Variants in RNF13 observed in about 807,000 individuals in gnomAD.
RNF13 encodes the protein E3 ubiquitin-protein ligase RNF13.
RNF13 carries 19 observed loss-of-function variants against 37.7 expected under a neutral mutation model. The observed-to-expected ratio is 0.50, with a 90% CI of 0.35 to 0.74. RNF13 has a LOEUF of 0.74. Among genes scored for constraint, RNF13 ranks in the 30% least tolerant of loss-of-function variants. The pLI is 0.01. For synonymous variants in RNF13, 144 were observed against 157.8 expected, an observed-to-expected ratio of 0.91 and a Z score of 0.65; for missense variants, 375 against 453.0, an observed-to-expected ratio of 0.83 and a Z score of 1.56.
intron 1 of RNF13, among the ~76,000 whole-genome samples, chr3:149,815,654 T>C (rs972857919): frequency 6.6e-6 from 1 of 152,226 alleles, no homozygotes; most frequent in Non-Finnish European, 1.5e-5. Context: ...TCTATAGATA[T>C]TTATTGAGCA....
chr3:149,838,217 G>A (rs1456828962), intron 1 of RNF13, among the ~76,000 whole-genome samples: 2 of 152,206 alleles, frequency 1.3e-5, no homozygotes, highest in African/African-American at 4.8e-5. Context: ...TCATGGGCTG[G>A]CGTTGAGTGT....
chr3:149,958,637 T>G (rs999899603), intron 8 of RNF13, among the ~76,000 whole-genome samples: 1 of 152,244 alleles, frequency 6.6e-6, no homozygotes, highest in Non-Finnish European at 1.5e-5. Flanking sequence ...GACTCAAAGG[T>G]TGATTTGTAT....
chr3:149,901,267 T>G (rs369659503), intron 5 of RNF13, among the ~76,000 whole-genome samples: 1 of 152,220 alleles, frequency 6.6e-6, no homozygotes, highest in Non-Finnish European at 1.5e-5. Context: ...AAAGTTATTT[T>G]GAAAACTATA....
chr3:149,953,854 G>A (rs1452887918), intron 8 of RNF13, among the ~76,000 whole-genome samples: 1 of 152,164 alleles, frequency 6.6e-6, no homozygotes, highest in Non-Finnish European at 1.5e-5. Flanking sequence ...TATGAAAAAT[G>A]CTTACGATAG....
In RNF13 at chr3:149,937,945, T is replaced by C. The variant is rs113359928; in HGVS notation, c.700+16718T>C. On this transcript the variant is annotated intron_variant, in intron 8 of 9. Transcript: ENST00000392894. ...TAGTGTGTATATCAATTAAATCCAG[T>C]TGACTGGTGCTGCTGTTGAGTTCAA... Among the ~76,000 whole-genome samples, 118 of 152,198 alleles carry C rather than the reference T, an allele frequency of 7.8e-4. 1 individual carries two copies. The highest frequency in any genetic ancestry group is 2.7e-3 in the African/African-American group (114 of 41,566).
chr3:149,869,198 T>A (rs1245167543), intron 3 of RNF13, among the ~76,000 whole-genome samples: 2 of 151,902 alleles, frequency 1.3e-5, no homozygotes, highest in African/African-American at 4.8e-5. Context: ...TTAAACAAAA[T>A]TATTTCAATT....
chr3:149,893,616 A>G (rs961721067), intron 4 of RNF13, among the ~76,000 whole-genome samples: 1 of 152,214 alleles, frequency 6.6e-6, no homozygotes, highest in African/African-American at 2.4e-5. Context: ...TAATAAGTTA[A>G]TGTATGTAAC....
intron 4 of RNF13, among the ~76,000 whole-genome samples, chr3:149,881,836 A>G (rs1305635066): frequency 6.6e-6 from 1 of 152,212 alleles, no homozygotes; most frequent in East Asian, 1.9e-4. Context: ...CAAAAGGTCA[A>G]CTTTCCCAGA....
At chr3:149,814,754 G>A (rs1275907126) in intron 1 of RNF13, among the ~76,000 whole-genome samples, 1 of 152,174 alleles carries the variant, frequency 6.6e-6, no homozygotes, top group Non-Finnish European at 1.5e-5. Context: ...GAGTCAAGCT[G>A]GGTTCAGCTC....
At chr3:149,912,787 G>A (rs896462209) in intron 7 of RNF13, among the ~76,000 whole-genome samples, 3 of 151,904 alleles carry the variant, frequency 2.0e-5, no homozygotes, top group Non-Finnish European at 2.9e-5. Flanking sequence ...ATCAAAATAC[G>A]GTTACAAGAC....
In RNF13 at chr3:149,846,063, A is replaced by C. The variant is rs1364370675; in HGVS notation, c.37A>C (p.Thr13Pro). The change falls in exon 2 of 10, where the codon ACA becomes CCA. Residue 13 changes from threonine (T) to proline (P), a missense_variant. Thr to Pro is a conservative substitution (Grantham distance 38). Coordinates refer to ENST00000392894, the MANE Select transcript of RNF13 (RefSeq NM_183381.3). ...LSIGMLMLSA[T>P]QVYTILTVQL... is the part of the protein sequence containing the mutation. The stretch of plus-strand genomic sequence containing the variant: ...CATAGGGATGCTCATGCTGTCAGCC[A>C]CACAAGTCTACACCATCTTGACTGT... The C allele has an allele frequency of 6.2e-7, 1 of 1,612,560 alleles. No individual in the cohort carries two copies. Among genetic ancestry groups the C allele is most frequent in the Non-Finnish European group, 8.5e-7 (1 of 1,179,846 alleles).
At chr3:149,837,984 A>G (rs1038528061) in intron 1 of RNF13, among the ~76,000 whole-genome samples, 2 of 152,172 alleles carry the variant, frequency 1.3e-5, no homozygotes, top group South Asian at 2.1e-4. Flanking sequence ...CATTGTGTAA[A>G]TACAGCTGTT....
In RNF13 at chr3:149,895,592, G is replaced by C. The variant is rs1278492178; in HGVS notation, c.409+32G>C. 2.3e-6 allele frequency: 3 copies of C among 1,325,612 alleles called. No homozygotes were observed. In the African/African-American group the frequency reaches 4.5e-5, roughly 20 times the overall value. 82.1% of individuals were successfully genotyped at this position (1,325,612 alleles called of 1,614,324 possible). A position where few individuals can be genotyped will look rare whatever the true frequency, so the allele number is the denominator to read the frequency against. The stretch of plus-strand genomic sequence containing the variant: ...ACAGGTATCACTTTTCTTCTCTCCT[G>C]TTTGACAGATCATTTGTAACTAAAA... On this transcript the variant is annotated intron_variant, in intron 5 of 9. Coordinates refer to ENST00000392894, the MANE Select transcript of RNF13 (RefSeq NM_183381.3).
chr3:149,920,086 G>A (rs1289413239), intron 7 of RNF13, among the ~76,000 whole-genome samples: 4 of 152,020 alleles, frequency 2.6e-5, no homozygotes, highest in South Asian at 4.2e-4. Context: ...TTTTCTGTTG[G>A]GTAACTTGTT....
intron 4 of RNF13, among the ~76,000 whole-genome samples, chr3:149,884,398 G>A (rs1242183690): frequency 1.3e-5 from 2 of 151,854 alleles, no homozygotes; most frequent in Non-Finnish European, 2.9e-5. Flanking sequence ...ATTCAAGGAA[G>A]TCTCCCCTCT....
chr3:149,961,268 C>T lies in RNF13; in HGVS notation c.*164C>T, dbSNP rs770129765. Reference sequence around the variant, plus strand: ...GGACTTTTGATCTGGTATTTATCTGCCAAGAATATACTTCATTCACTAATA... The same window carrying T: ...GGACTTTTGATCTGGTATTTATCTGTCAAGAATATACTTCATTCACTAATA... On this transcript the variant is annotated 3_prime_UTR_variant, in exon 10 of 10. Transcript: ENST00000392894. The T allele has an allele frequency of 1.5e-6, 1 of 682,362 alleles. No homozygotes were observed. Among genetic ancestry groups the T allele is most frequent in the Non-Finnish European group, 2.5e-6 (1 of 392,932 alleles). The allele number at this position is 682,362 out of a possible 1,614,324, so 42.3% of individuals were successfully genotyped here.
rs1719688596 is a variant in RNF13, at chr3:149,818,470, G to A, written c.-17+5117G>A. Among the ~76,000 whole-genome samples, 6 of 152,162 alleles carry A rather than the reference G, an allele frequency of 3.9e-5. No individual in the cohort carries two copies. The South Asian group carries it at 1.2e-3, about 32-fold the overall frequency. On this transcript the variant is annotated intron_variant, in intron 1 of 9. Transcript: ENST00000392894. ...TTCCTCCCAGTGGAATGGCTTAGAT[G>A]TGTTTAATGCTCAACAAACGTAGGT...
In RNF13 at chr3:149,860,270, AAT is replaced by A. The variant is rs1186058605; in HGVS notation, c.195+7704_195+7705del. On this transcript the variant is annotated intron_variant, in intron 3 of 9. Transcript: ENST00000392894. ...GAGACTCCATCTAAAAAAAAAAAAA[AAT>A]ATATATATATATATATATATATATA... is the stretch of plus-strand genomic sequence containing the variant. Among the ~76,000 whole-genome samples the A allele has an allele frequency of 2.4e-3, 249 of 104,066 alleles. 3 individuals carry two copies. The highest frequency in any genetic ancestry group is 9.9e-3 in the Middle Eastern group (2 of 202). 68.3% of individuals were successfully genotyped at this position (104,066 alleles called of 152,430 possible). A position where few individuals can be genotyped will look rare whatever the true frequency, so the allele number is the denominator to read the frequency against.
At chr3:149,859,314 T>C (rs1382073818) in intron 3 of RNF13, among the ~76,000 whole-genome samples, 1 of 152,244 alleles carries the variant, frequency 6.6e-6, no homozygotes, top group African/African-American at 2.4e-5. Context: ...AGTTAGATGG[T>C]ATAAAAAGAA....
Sources: gnomAD v4.1 joint callset for allele counts (sites outside exome capture counted in the v4.1 genomes callset) on GRCh38, gnomAD v4.1.1 for gene constraint, MANE v1.5 for transcripts, NCBI Gene and HGNC (gene_info 2026-07-23, HGNC 2026-07-21) for gene names.